The following ASTN2 variants were observed in gnomAD, a reference collection of about 807,000 sequenced individuals.
ASTN2 encodes the protein astrotactin-2.
In ASTN2, 54 loss-of-function variants were observed where a neutral mutation model predicts 139.8. The ratio of observed to expected loss-of-function variants is 0.39; its 90% CI spans 0.31 to 0.48. The LOEUF (loss-of-function observed/expected upper bound fraction) is 0.48. Among genes scored for constraint, ASTN2 ranks in the 20% least tolerant of loss-of-function variants. ASTN2 has a pLI of 0.95. For synonymous variants in ASTN2, 756 were observed against 719.5 expected (o/e 1.05, Z -0.81); for missense variants, 1,565 against 1,725.1 (o/e 0.91, Z 1.64).
chr9:117,070,074 C>T (rs1470046306), intron 5 of ASTN2, among the ~76,000 whole-genome samples: 2 of 148,500 alleles, frequency 1.3e-5, no homozygotes, highest in Admixed American at 1.4e-4. Context: ...GGTGATTTTG[C>T]TCGTTAGTTG....
chr9:117,052,515 T>C (rs754456028), intron 5 of ASTN2, among the ~76,000 whole-genome samples: 39 of 151,712 alleles, frequency 2.6e-4, no homozygotes, highest in Non-Finnish European at 5.3e-4. Flanking sequence ...CAGTGAATAG[T>C]AAATTTCATC....
At chr9:117,264,092 A>G (rs1015133215) in intron 2 of ASTN2, among the ~76,000 whole-genome samples, 27 of 152,292 alleles carry the variant, frequency 1.8e-4, no homozygotes, top group African/African-American at 6.0e-4. Context: ...AGAAATCTAA[A>G]TTGAAAAAAA....
intron 17 of ASTN2, among the ~76,000 whole-genome samples, chr9:116,631,430 T>G (rs1448856987): frequency 2.0e-5 from 3 of 152,164 alleles, no homozygotes; most frequent in Admixed American, 1.3e-4. Context: ...GGAATAGAAC[T>G]GGAGGTAATT....
chr9:116,592,102 C>A (rs757475477), intron 19 of ASTN2, among the ~76,000 whole-genome samples: 11 of 152,164 alleles, frequency 7.2e-5, no homozygotes, highest in Non-Finnish European at 1.3e-4. Context: ...AATTTTAAAT[C>A]ATCTCTAGAT....
At chr9:117,235,523 T>C (rs1412609531) in intron 2 of ASTN2, among the ~76,000 whole-genome samples, 3 of 152,232 alleles carry the variant, frequency 2.0e-5, no homozygotes. Flanking sequence ...TCCTCTCATC[T>C]GAAAGTGTAT....
At chr9:116,787,654 T>A (rs959736862) in intron 13 of ASTN2, among the ~76,000 whole-genome samples, 1 of 152,208 alleles carries the variant, frequency 6.6e-6, no homozygotes, top group East Asian at 1.9e-4. Context: ...CCTGTCCTTT[T>A]CAGTTTCAGT....
chr9:116,702,981 A>C (rs1827884071), intron 16 of ASTN2, among the ~76,000 whole-genome samples: 1 of 152,192 alleles, frequency 6.6e-6, no homozygotes, highest in Admixed American at 6.5e-5. Context: ...TCTAGTGCTA[A>C]TTAATGGCCT....
chr9:117,402,634 C>A (rs939335676), intron 1 of ASTN2, among the ~76,000 whole-genome samples: 1 of 152,026 alleles, frequency 6.6e-6, no homozygotes, highest in African/African-American at 2.4e-5. Flanking sequence ...AGATAGTCAG[C>A]GAGACATTTT....
Position 117,204,251 on chromosome 9 carries a change from G to A in ASTN2, c.1015+10107C>T, listed in dbSNP as rs143731806. On this transcript the variant is annotated intron_variant, in intron 3 of 22. Transcript: ENST00000313400. Reference sequence around the variant, plus strand: ...TTTTTGGATTTTTAGTAGAGACAGGGTTTTTCCATTTCGGCCAGGCTGGTC... The same window carrying A: ...TTTTTGGATTTTTAGTAGAGACAGGATTTTTCCATTTCGGCCAGGCTGGTC... 8.3e-3 allele frequency among the ~76,000 whole-genome samples: 1,267 copies of A among 152,300 alleles called. 12 individuals carry two copies. The highest frequency in any genetic ancestry group is 0.029 in the African/African-American group (1,222 of 41,564).
At chr9:117,109,929 C>T (rs994250900) in intron 4 of ASTN2, among the ~76,000 whole-genome samples, 6 of 152,114 alleles carry the variant, frequency 3.9e-5, no homozygotes, top group African/African-American at 1.2e-4. Context: ...TCTATGCTTC[C>T]CAATTTCCCT....
In ASTN2 at chr9:117,214,650, C is replaced by T; in HGVS notation, c.723G>A (p.Gln241=). 2 of 1,561,228 alleles carry T rather than the reference C, an allele frequency of 1.3e-6. No homozygotes were observed. Among genetic ancestry groups the T allele is most frequent in the South Asian group, 1.2e-5 (1 of 83,980 alleles). Residue 241 remains glutamine, a synonymous_variant, in exon 3 of 23, where the codon CAG becomes CAA. Coordinates refer to ENST00000313400, the MANE Select transcript of ASTN2 (RefSeq NM_001365068.1). ...GAGTGGCTTCTGTGCTTGCGCTCTTCTGGGGGATGCGGCGACGCTTCTGCC... is the reference window on the plus strand; with the variant it reads ...GAGTGGCTTCTGTGCTTGCGCTCTTTTGGGGGATGCGGCGACGCTTCTGCC... ...RRWQKRRRIP[Q]KSASTEATHE...
At chr9:116,672,513 T>C (rs575272594) in intron 16 of ASTN2, among the ~76,000 whole-genome samples, 3 of 152,320 alleles carry the variant, frequency 2.0e-5, no homozygotes, top group East Asian at 1.9e-4. Flanking sequence ...AATGAGACTA[T>C]TGTGTTGAGA....
intron 1 of ASTN2, among the ~76,000 whole-genome samples, chr9:117,323,371 T>C (rs189559393): frequency 1.2e-5 from 1 of 84,458 alleles, no homozygotes; most frequent in Non-Finnish European, 2.7e-5. Flanking sequence ...CCACCACCAC[T>C]ACCATTTGAT....
At chr9:116,681,606 G>T (rs527321841) in intron 16 of ASTN2, among the ~76,000 whole-genome samples, 1 of 152,062 alleles carries the variant, frequency 6.6e-6, no homozygotes, top group African/African-American at 2.4e-5. Context: ...GAAGCATCAC[G>T]CTACCTGACT....
intron 11 of ASTN2, among the ~76,000 whole-genome samples, chr9:116,825,771 C>T (rs1458091370): frequency 6.6e-6 from 1 of 152,212 alleles, no homozygotes; most frequent in East Asian, 1.9e-4. Flanking sequence ...TTTGGCCTGA[C>T]ATACGAAGTG....
At chr9:116,613,142 G>C (rs1274947480) in intron 19 of ASTN2, 1 of 152,050 alleles carries the variant, frequency 6.6e-6, no homozygotes, top group Non-Finnish European at 1.5e-5. Context: ...ATAAATTCCT[G>C]GACACATACA....
chr9:116,687,359 T>G, intron 16 of ASTN2: 1 of 608,140 alleles, frequency 1.6e-6, no homozygotes, highest in South Asian at 7.5e-5. Flanking sequence ...GGCGGTGGAC[T>G]CGTCGGAGCC....
chr9:117,283,107 A>C (rs1218789233), intron 2 of ASTN2, among the ~76,000 whole-genome samples: 1 of 151,946 alleles, frequency 6.6e-6, no homozygotes, highest in Non-Finnish European at 1.5e-5. Flanking sequence ...TGAGATGACT[A>C]GCCTGCATTT....
At chr9:116,899,471 T>A (rs942288543) in intron 10 of ASTN2, among the ~76,000 whole-genome samples, 1 of 152,164 alleles carries the variant, frequency 6.6e-6, no homozygotes, top group Non-Finnish European at 1.5e-5. Flanking sequence ...CACAAAATAA[T>A]AATGATCATG....
Sources: gnomAD v4.1 joint callset for allele counts (sites outside exome capture counted in the v4.1 genomes callset) on GRCh38, gnomAD v4.1.1 for gene constraint, MANE v1.5 for transcripts, NCBI Gene and HGNC (gene_info 2026-07-23, HGNC 2026-07-21) for gene names.